Variants in TNFSF8 observed in about 807,000 individuals in gnomAD.
TNFSF8 encodes TNF superfamily member 8, also known as tumor necrosis factor ligand superfamily member 8.
Under a neutral mutation model 22.0 loss-of-function variants are expected in TNFSF8, and 4 were observed. The ratio of observed to expected loss-of-function variants is 0.18; its 90% confidence interval spans 0.09 to 0.42. The LOEUF is 0.42. Among genes scored for constraint, TNFSF8 ranks in the 10% least tolerant of loss-of-function variants. TNFSF8 has a pLI of 1.00. For synonymous variants in TNFSF8, 106 were observed against 112.5 expected (o/e 0.94, Z 0.37); for missense variants, 233 against 281.8 (o/e 0.83, Z 1.24).
At chr9:114,922,452 A>G (rs1460025691) in intron 1 of TNFSF8, among the ~76,000 whole-genome samples, 2 of 152,218 alleles carry the variant, frequency 1.3e-5, no homozygotes, top group Non-Finnish European at 2.9e-5. Context: ...GGGTTACTCT[A>G]CATGCACTAT....
intron 1 of TNFSF8, among the ~76,000 whole-genome samples, chr9:114,925,766 C>T (rs774445858): frequency 1.3e-5 from 2 of 151,946 alleles, no homozygotes; most frequent in Admixed American, 6.6e-5. Context: ...GAAAGCCTAC[C>T]GATTGTGAAC....
At chr9:114,920,701 C>A (rs1229084987) in intron 1 of TNFSF8, among the ~76,000 whole-genome samples, 1 of 152,122 alleles carries the variant, frequency 6.6e-6, no homozygotes, top group African/African-American at 2.4e-5. Context: ...TGGAGCCTCA[C>A]TCTGTCACCC....
intron 2 of TNFSF8, 25 bp downstream of exon 2, chr9:114,918,071 T>G (rs752411004): frequency 6.3e-7 from 1 of 1,593,192 alleles, no homozygotes; most frequent in Admixed American, 1.8e-5. Context: ...TTACTACACA[T>G]TTACACCTAA....
At chr9:114,921,731 G>T (rs1311377370) in intron 1 of TNFSF8, among the ~76,000 whole-genome samples, 1 of 152,196 alleles carries the variant, frequency 6.6e-6, no homozygotes, top group Non-Finnish European at 1.5e-5. Context: ...CAATGACTTG[G>T]CTTTGTGTAA....
At chr9:114,929,380 C>T (rs573728130) in intron 1 of TNFSF8, among the ~76,000 whole-genome samples, 2 of 148,420 alleles carry the variant, frequency 1.3e-5, no homozygotes, top group South Asian at 2.1e-4. Context: ...TTTTGTGACG[C>T]CCTAACTTCT....
intron 3 of TNFSF8, among the ~76,000 whole-genome samples, chr9:114,904,725 C>T (rs144189761): frequency 2.6e-5 from 4 of 152,104 alleles, no homozygotes; most frequent in African/African-American, 9.7e-5. Context: ...CATGAATGGT[C>T]ATTGCAAAAG....
In TNFSF8 at chr9:114,922,796, G is replaced by A. The variant is rs140786244; in HGVS notation, c.196-4658C>T. On this transcript the variant is annotated intron_variant, in intron 1 of 3. Transcript: ENST00000223795. ...AAGTGGACCACAGTGGCTTAAAGCA[G>A]TGCTTCTCCCACTTTAAAAGACTGA... Among the ~76,000 whole-genome samples, 237 of 152,274 alleles carry A rather than the reference G, an allele frequency of 1.6e-3. 2 individuals are homozygous for A. The highest frequency in any genetic ancestry group is 5.6e-3 in the African/African-American group (233 of 41,564).
exon 5 of TNFSF8, chr9:114,893,762 G>C (rs1271776356): frequency 1.2e-5 from 3 of 255,974 alleles, no homozygotes; most frequent in Non-Finnish European, 2.3e-5. Flanking sequence ...GTGGGAGTGG[G>C]GTTTTCCCCT....
At chr9:114,913,502 T>C (rs1827877419) in intron 2 of TNFSF8, among the ~76,000 whole-genome samples, 1 of 152,050 alleles carries the variant, frequency 6.6e-6, no homozygotes, top group African/African-American at 2.4e-5. Flanking sequence ...TTCTGAGACA[T>C]GAAAGCCAAG....
chr9:114,929,645 T>C (rs1308996873), intron 1 of TNFSF8, among the ~76,000 whole-genome samples: 2 of 152,040 alleles, frequency 1.3e-5, no homozygotes, highest in Non-Finnish European at 2.9e-5. Flanking sequence ...CTTGAAGACA[T>C]GATAACAACT....
At chr9:114,914,095 A>G (rs1235621263) in intron 2 of TNFSF8, among the ~76,000 whole-genome samples, 1 of 152,188 alleles carries the variant, frequency 6.6e-6, no homozygotes, top group East Asian at 1.9e-4. Context: ...TGCAGAGTTT[A>G]TGAGGGAAGT....
downstream of TNFSF8, among the ~76,000 whole-genome samples, chr9:114,896,652 T>C (rs1827657853): frequency 6.6e-6 from 1 of 152,208 alleles, no homozygotes; most frequent in African/African-American, 2.4e-5. Context: ...AAAAACTTTC[T>C]AAGGTTAATC....
rs1290785499 is a variant in TNFSF8 at position 114,910,257 on chromosome 9, G to A, written c.239-4358C>T. The stretch of plus-strand genomic sequence containing the variant: ...GAGATAGAAAGAGAGGTTGCTCGAG[G>A]TGGTGAAAGGAGCATATTCTAGAAG... On this transcript the variant is annotated intron_variant, in intron 2 of 3. Coordinates refer to ENST00000223795, the MANE Select transcript of TNFSF8 (RefSeq NM_001244.4). 2.0e-5 allele frequency among the ~76,000 whole-genome samples: 3 copies of A among 152,198 alleles called. No individual in the cohort carries two copies. The East Asian group carries it at 5.8e-4, about 29-fold the overall frequency.
In TNFSF8 at chr9:114,906,015, C is replaced by T. The variant is rs1459193166; in HGVS notation, c.239-116G>A. ...CAATTACCGTTCTGTTTTCCATTTTCAGAATAAGGAGAAAAGCTCTTTATT... is the reference window on the plus strand; with the variant it reads ...CAATTACCGTTCTGTTTTCCATTTTTAGAATAAGGAGAAAAGCTCTTTATT... On this transcript the variant is annotated intron_variant, in intron 2 of 3. Coordinates refer to ENST00000223795, the MANE Select transcript of TNFSF8 (RefSeq NM_001244.4). 5 of 681,110 alleles carry T rather than the reference C, an allele frequency of 7.3e-6. No individual in the cohort carries two copies. The Admixed American group carries it at 1.4e-4, about 19-fold the overall frequency. The allele number at this position is 681,110 out of a possible 1,614,324, so 42.2% of individuals were successfully genotyped here.
intron 4 of TNFSF8, among the ~76,000 whole-genome samples, chr9:114,896,003 C>T (rs755995483): frequency 3.9e-5 from 6 of 152,194 alleles, no homozygotes; most frequent in Non-Finnish European, 7.3e-5. Flanking sequence ...AATACCATCA[C>T]GTTGACTTGA....
chr9:114,916,353 C>T (rs1827918766), intron 2 of TNFSF8, among the ~76,000 whole-genome samples: 1 of 152,090 alleles, frequency 6.6e-6, no homozygotes, highest in Non-Finnish European at 1.5e-5. Context: ...CTAGTTAGAG[C>T]CCCTATGCTT....
In TNFSF8 at chr9:114,904,327, T is replaced by C; in HGVS notation, c.311-2A>G. 6.3e-7 allele frequency: 1 copy of C among 1,597,448 alleles called. No individual in the cohort carries two copies. Among genetic ancestry groups the C allele is most frequent in the Non-Finnish European group, 8.5e-7 (1 of 1,171,260 alleles). On this transcript the variant is annotated splice_acceptor_variant, in intron 3 of 3. Transcript: ENST00000223795. LOFTEE classifies it high-confidence loss of function. ...TGGTTTTGTTTAGATGCTTTGCCACTAGAAAGAGAAGTATAGAAAACAGAA... is the reference window on the plus strand; with the variant it reads ...TGGTTTTGTTTAGATGCTTTGCCACCAGAAAGAGAAGTATAGAAAACAGAA...
At chr9:114,904,461 A>G in intron 3 of TNFSF8, 136 bp from the exon 4 acceptor site, 1 of 1,275,584 alleles carries the variant, frequency 7.8e-7, no homozygotes, top group East Asian at 2.4e-5. Context: ...AATATCTTCC[A>G]TGTTACTCCC....
At chr9:114,906,880 T>C (rs890302991) in intron 2 of TNFSF8, among the ~76,000 whole-genome samples, 2 of 152,194 alleles carry the variant, frequency 1.3e-5, no homozygotes, top group Non-Finnish European at 2.9e-5. Context: ...ATCCTTGGTT[T>C]CCCCATGTGT....
Sources: gnomAD v4.1 joint callset for allele counts (sites outside exome capture counted in the v4.1 genomes callset) on GRCh38, gnomAD v4.1.1 for gene constraint, MANE v1.5 for transcripts, NCBI Gene and HGNC (gene_info 2026-07-23, HGNC 2026-07-21) for gene names.